The following PCDHGB7 variants were observed in gnomAD, a reference collection of about 807,000 sequenced individuals.
PCDHGB7 encodes protocadherin gamma subfamily B, 7, also known as protocadherin gamma-B7.
In PCDHGB7, 37 loss-of-function variants were observed where a neutral mutation model predicts 61.4. The observed-to-expected ratio is 0.60, with a 90% CI of 0.46 to 0.79. The LOEUF (loss-of-function observed/expected upper bound fraction) is 0.79, where lower values mean the gene tolerates loss of function less well. Among genes scored for constraint, PCDHGB7 ranks in the 30% least tolerant of loss-of-function variants. PCDHGB7 has a pLI of 0.00. For synonymous variants in PCDHGB7, 464 were observed against 503.5 expected (o/e 0.92, Z 1.05); for missense variants, 1,166 against 1,202.5 (o/e 0.97, Z 0.45).
At chr5:141,502,488 T>A (rs1273845698) in intron 2 of PCDHGB7, among the ~76,000 whole-genome samples, 1 of 152,236 alleles carries the variant, frequency 6.6e-6, no homozygotes, top group Non-Finnish European at 1.5e-5. Context: ...ACACTGGGAC[T>A]CATCTAACGT....
chr5:141,428,013 C>T, intron 1 of PCDHGB7: 4 of 1,603,660 alleles, frequency 2.5e-6, no homozygotes, highest in Non-Finnish European at 3.4e-6. Flanking sequence ...CGATATAGTG[C>T]CACGCGCCGC....
At position 141,476,943 on chromosome 5, in the gene PCDHGB7, A is replaced by G. The variant is rs538990482; in HGVS notation, c.2416-17864A>G. On this transcript the variant is annotated intron_variant, in intron 1 of 3. Coordinates refer to ENST00000398594, the MANE Select transcript of PCDHGB7 (RefSeq NM_018927.4). This position sits in a 1 kb window ranked among gnomAD's most constrained non-coding sequence, Gnocchi z 7.6. ...GCAACGGATCTGGATGAAGGCCCCA[A>G]CGGTGAAATTATTTACTCCTTCGGC... 14 of 1,614,170 alleles carry G rather than the reference A, an allele frequency of 8.7e-6. No individual in the cohort carries two copies. Among genetic ancestry groups the G allele is most frequent in the South Asian group, 1.1e-5 (1 of 91,086 alleles).
chr5:141,489,339 C>T lies in PCDHGB7; in HGVS notation c.2416-5468C>T. 6.2e-7 allele frequency: 1 copy of T among 1,608,828 alleles called. No individual in the cohort carries two copies. On this transcript the variant is annotated intron_variant, in intron 1 of 3. Transcript: ENST00000398594. The surrounding 1 kb of genome is among the most constrained non-coding windows in gnomAD (Gnocchi z 4.5). ...GCTGGGTGTCTGGGCAGCTTCGTTA[C>T]TCAGTGGTGGAGGAGTCTGAGCCGG...
Position 141,486,572 on chromosome 5 carries a change from A to G in PCDHGB7, c.2416-8235A>G. 1 of 1,613,876 alleles carries G rather than the reference A, an allele frequency of 6.2e-7. No individual in the cohort carries two copies. Among genetic ancestry groups the G allele is most frequent in the Non-Finnish European group, 8.5e-7 (1 of 1,180,002 alleles). ...GTCACATGAGGTGTTTGTTCCTGAG[A>G]ACAATCGCCCAGGGGACCTGCTTTG... is the stretch of plus-strand genomic sequence containing the variant. On this transcript the variant is annotated intron_variant, in intron 1 of 3. Coordinates refer to ENST00000398594, the MANE Select transcript of PCDHGB7 (RefSeq NM_018927.4). This position sits in a 1 kb window ranked among gnomAD's most constrained non-coding sequence, Gnocchi z 5.0.
At chr5:141,502,534 C>T (rs565889110) in intron 2 of PCDHGB7, among the ~76,000 whole-genome samples, 10 of 152,074 alleles carry the variant, frequency 6.6e-5, no homozygotes, top group Non-Finnish European at 1.0e-4. Context: ...CGAGTTTGTT[C>T]GTGTGGTAAA....
At chr5:141,457,107 A>G (rs2098908740) in intron 1 of PCDHGB7, among the ~76,000 whole-genome samples, 1 of 152,260 alleles carries the variant, frequency 6.6e-6, no homozygotes, top group African/African-American at 2.4e-5. Flanking sequence ...ATTAAGCAAA[A>G]TACGACAGCA....
At chr5:141,459,606 T>G (rs1430790771) in intron 1 of PCDHGB7, among the ~76,000 whole-genome samples, 1 of 152,250 alleles carries the variant, frequency 6.6e-6, no homozygotes, top group Non-Finnish European at 1.5e-5. Context: ...GGGAAGTATA[T>G]GCTTAACTTT....
chr5:141,427,287 A>G (rs1030754713), intron 1 of PCDHGB7: 2 of 456,716 alleles, frequency 4.4e-6, no homozygotes, highest in African/African-American at 4.0e-5. Flanking sequence ...TATACTAGAA[A>G]TCCTAGATGA....
intron 1 of PCDHGB7, among the ~76,000 whole-genome samples, chr5:141,455,844 T>TA (rs2098833146): frequency 6.6e-6 from 1 of 150,818 alleles, no homozygotes; most frequent in Non-Finnish European, 1.5e-5. Flanking sequence ...TCTATCTGCA[T>TA]AAAATAATTT....
intron 2 of PCDHGB7, among the ~76,000 whole-genome samples, chr5:141,502,834 A>G (rs1398558120): frequency 6.7e-6 from 1 of 149,378 alleles, no homozygotes; most frequent in Non-Finnish European, 1.5e-5. Flanking sequence ...GGAAGCCTGG[A>G]CTGGCTGAGC....
intron 1 of PCDHGB7, chr5:141,441,971 G>T: frequency 3.3e-6 from 1 of 298,820 alleles, no homozygotes; most frequent in Non-Finnish European, 6.5e-6. Context: ...AGGCTCTTCA[G>T]CCTGGAATGC....
intron 1 of PCDHGB7, among the ~76,000 whole-genome samples, chr5:141,492,869 A>G (rs975868829): frequency 6.6e-6 from 1 of 152,010 alleles, no homozygotes; most frequent in African/African-American, 2.4e-5. Context: ...CTGGCTCTCA[A>G]CCCCCAGAGA....
chr5:141,418,432 T>A lies in PCDHGB7; in HGVS notation c.573T>A (p.Tyr191Ter). The A allele has an allele frequency of 6.2e-7, 1 of 1,613,956 alleles. No individual in the cohort carries two copies. The highest frequency in any genetic ancestry group is 2.2e-5 in the East Asian group (1 of 44,882). ...AAGACAATCCTGATGGTGGCAAATA[T>A]CCAGAATTAGTATTGCAGAAGACTC... ...VEKDNPDGGK[Y>*]PELVLQKTLD... The change falls in exon 1 of 4, where the codon TAT becomes TAA. Residue 191 changes from tyrosine (Y) to a stop codon, truncating the protein, a stop_gained. Coordinates refer to ENST00000398594, the MANE Select transcript of PCDHGB7 (RefSeq NM_018927.4). LOFTEE classifies it high-confidence loss of function.
In PCDHGB7 at chr5:141,490,912, AATG is replaced by A; in HGVS notation, c.2416-3892_2416-3890del. 6.2e-7 allele frequency: 1 copy of A among 1,613,644 alleles called. No homozygotes were observed. Among genetic ancestry groups the A allele is most frequent in the Non-Finnish European group, 8.5e-7 (1 of 1,179,684 alleles). On this transcript the variant is annotated intron_variant, in intron 1 of 3. Transcript: ENST00000398594. This position sits in a 1 kb window ranked among gnomAD's most constrained non-coding sequence, Gnocchi z 5.4. ...TCTGCATGTGTTTGTCCTAGACGAG[AATG>A]ATAATGCCCCAGCTGTGCTGCACCC...
At chr5:141,450,829 A>ATTAT (rs1554136902) in intron 1 of PCDHGB7, among the ~76,000 whole-genome samples, 14 of 135,142 alleles carry the variant, frequency 1.0e-4, no homozygotes, top group African/African-American at 3.3e-4. Context: ...TATTATTATT[A>ATTAT]TTTTTTTTTT....
intron 1 of PCDHGB7, among the ~76,000 whole-genome samples, chr5:141,474,029 C>T (rs1047673843): frequency 6.6e-6 from 1 of 152,092 alleles, no homozygotes; most frequent in Non-Finnish European, 1.5e-5. Context: ...ATGATTATTC[C>T]ACTGTACTCC....
intron 3 of PCDHGB7, among the ~76,000 whole-genome samples, chr5:141,506,116 A>T: frequency 6.6e-6 from 1 of 152,136 alleles, no homozygotes; most frequent in East Asian, 1.9e-4. Flanking sequence ...AAGAGTCACT[A>T]GGGCCCAGAG....
chr5:141,477,565 C>T lies in PCDHGB7; in HGVS notation c.2416-17242C>T, dbSNP rs1168703868. 3.1e-6 allele frequency: 5 copies of T among 1,614,146 alleles called. No homozygotes were observed. The highest frequency in any genetic ancestry group is 4.2e-6 in the Non-Finnish European group (5 of 1,180,030). On this transcript the variant is annotated intron_variant, in intron 1 of 3. Transcript: ENST00000398594. The surrounding 1 kb of genome is among the most constrained non-coding windows in gnomAD (Gnocchi z 4.9). ...CAATACTAAACCTAAGTGTCTGGGA[C>T]CCCGACGCCCCGCAGAATGCTCGGC... is the stretch of plus-strand genomic sequence containing the variant.
rs771262387 is a variant in PCDHGB7, at chr5:141,418,372, A to T, written c.513A>T (p.Gln171His). The stretch of plus-strand genomic sequence containing the variant: ...GTATGAATTCGCTGAGCAAATACCA[A>T]CTAAGTCCTAACGAGTATTTCTCAT... ...DISMNSLSKY[Q>H]LSPNEYFSLV... The change falls in exon 1 of 4, where the codon CAA (glutamine) becomes CAT (histidine). Residue 171 changes from glutamine to histidine, a missense_variant. Gln to His is a conservative substitution (Grantham distance 24). Transcript: ENST00000398594. 1.5e-5 allele frequency: 25 copies of T among 1,613,968 alleles called. No individual in the cohort carries two copies. Among genetic ancestry groups the T allele is most frequent in the Non-Finnish European group, 2.1e-5 (25 of 1,179,880 alleles).
Sources: allele counts gnomAD v4.1 joint callset (sites outside exome capture counted in the v4.1 genomes callset), GRCh38; gene constraint gnomAD v4.1.1; non-coding constraint Gnocchi (gnomAD v3.1); transcripts MANE v1.5; gene names NCBI Gene and HGNC (gene_info 2026-07-23, HGNC 2026-07-21).